CNOT1: variants seen among roughly 807,000 people sequenced by gnomAD.
The protein encoded by CNOT1 is CCR4-NOT transcription complex subunit 1.
In CNOT1, 15 loss-of-function variants were observed where a neutral mutation model predicts 273.8. The ratio of observed to expected loss-of-function variants is 0.05; its 90% CI spans 0.04 to 0.08. CNOT1 has a LOEUF of 0.08. Ranked by LOEUF, CNOT1 falls within the 10% of genes least tolerant of loss-of-function variation. CNOT1 has a pLI of 1.00. For synonymous variants in CNOT1, 1,022 were observed against 1,005.5 expected, an observed-to-expected ratio of 1.02 and a Z score of -0.31; for missense variants, 1,644 against 2,912.2, an observed-to-expected ratio of 0.56 and a Z score of 10.02.
At chr16:58,541,282 G>GAAC (rs2040088521) in intron 34 of CNOT1, among the ~76,000 whole-genome samples, 1 of 152,046 alleles carries the variant, frequency 6.6e-6, no homozygotes, top group Admixed American at 6.6e-5. Context: ...TAATTAGGCC[G>GAAC]AACATTAAAG....
chr16:58,549,986 G>A (rs2040398613), intron 24 of CNOT1, 88 bp from the exon 25 acceptor site: 33 of 1,553,220 alleles, frequency 2.1e-5, no homozygotes, highest in Non-Finnish European at 2.8e-5. Flanking sequence ...TACAGCACAT[G>A]GCTCCTTGCA....
In CNOT1 at chr16:58,523,462, C is replaced by T; in HGVS notation, c.6825G>A (p.Arg2275=). The T allele has an allele frequency of 6.2e-7, 1 of 1,613,928 alleles. No homozygotes were observed. The highest frequency in any genetic ancestry group is 1.1e-5 in the South Asian group (1 of 91,068). Residue 2275 remains arginine, a synonymous_variant, in exon 47 of 49, where the codon CGG becomes CGA. Transcript: ENST00000317147. ...AGTAGTGAGTGTGGCTATTTGGGTA[C>T]CGGAGCTGATTTGCAATTGCATTCA... ...LFLNAIANQL[R]YPNSHTHYFS... is the part of the protein sequence containing the mutation.
At chr16:58,598,295 G>A (rs2042333395) in intron 2 of CNOT1, among the ~76,000 whole-genome samples, 1 of 151,670 alleles carries the variant, frequency 6.6e-6, no homozygotes, top group Admixed American at 6.6e-5. Context: ...CTACTCGGAA[G>A]GTTAAGACAG....
chr16:58,585,280 G>T, intron 8 of CNOT1, 58 bp downstream of exon 8: 1 of 1,594,156 alleles, frequency 6.3e-7, no homozygotes, highest in Non-Finnish European at 8.5e-7. Flanking sequence ...TTTTTTTAAA[G>T]AATTACATCA....
chr16:58,537,367 C>T (rs1236242193), intron 38 of CNOT1, 147 bp from the exon 39 acceptor site: 4 of 1,231,466 alleles, frequency 3.2e-6, no homozygotes, highest in Admixed American at 3.2e-5. Flanking sequence ...CAAAACTATA[C>T]TTAGTCTCTT....
chr16:58,524,588 CAAAGTT>C (rs2039522517), intron 46 of CNOT1, among the ~76,000 whole-genome samples: 1 of 152,030 alleles, frequency 6.6e-6, no homozygotes, highest in African/African-American at 2.4e-5. Context: ...GAATCAATAG[CAAAGTT>C]AAAGAGTAGT....
At position 58,521,260 on chromosome 16, in the gene CNOT1, G is replaced by A. The variant is rs2151885281; in HGVS notation, c.6975C>T (p.Thr2325=). The change falls in exon 48 of 49, where the codon ACC becomes ACT. Residue 2325 remains threonine, a synonymous_variant. Coordinates refer to ENST00000317147, the MANE Select transcript of CNOT1 (RefSeq NM_016284.5). ...CTGGGTTTTTAATCAGCTCAATGAA[G>A]GTAATAAGAAGACCCCAAGGATGTG... ...NRPHPWGLLI[T]FIELIKNPAF... The A allele has an allele frequency of 6.2e-6, 10 of 1,614,040 alleles. No homozygotes were observed. The highest frequency in any genetic ancestry group is 7.6e-6 in the Non-Finnish European group (9 of 1,180,006).
In CNOT1 at chr16:58,528,301, T is replaced by C. The variant is rs748617437; in HGVS notation, c.6453+174A>G. Reference sequence around the variant, plus strand: ...AACCAATATTCACCAGCAACAGCAATAGCAACAATATCATACCTTCTATCA... The same window carrying C: ...AACCAATATTCACCAGCAACAGCAACAGCAACAATATCATACCTTCTATCA... On this transcript the variant is annotated intron_variant, in intron 44 of 48. Transcript: ENST00000317147. The C allele has an allele frequency of 2.7e-5, 17 of 633,182 alleles. No homozygotes were observed. The East Asian group carries it at 2.7e-4, about 10-fold the overall frequency. 39.2% of individuals were successfully genotyped at this position (633,182 alleles called of 1,614,324 possible).
intron 1 of CNOT1, among the ~76,000 whole-genome samples, chr16:58,606,771 TCTAGCCTG>T (rs1484143108): frequency 6.6e-6 from 1 of 151,026 alleles, no homozygotes; most frequent in East Asian, 1.9e-4. Flanking sequence ...ACCATTGCAC[TCTAGCCTG>T]GGCAGCAGAG....
At chr16:58,615,947 T>G (rs918964433) in intron 1 of CNOT1, among the ~76,000 whole-genome samples, 2 of 114,832 alleles carry the variant, frequency 1.7e-5, no homozygotes, top group Non-Finnish European at 4.1e-5. Context: ...ATTAGCAAGG[T>G]GCAGTGGCAA....
chr16:58,575,238 C>G, intron 14 of CNOT1, 109 bp from the exon 15 acceptor site: 2 of 1,443,970 alleles, frequency 1.4e-6, no homozygotes, highest in Non-Finnish European at 9.2e-7. Context: ...AAACACACTG[C>G]TAATACTTCC....
At chr16:58,526,232 A>G (rs1490489970) in intron 44 of CNOT1, 94 bp from the exon 45 acceptor site, 2 of 1,301,982 alleles carry the variant, frequency 1.5e-6, no homozygotes, top group East Asian at 2.3e-5. Flanking sequence ...TTCTAAAACT[A>G]TATACACTAT....
At chr16:58,542,875 G>C (rs1336155090) in intron 31 of CNOT1, among the ~76,000 whole-genome samples, 1 of 152,196 alleles carries the variant, frequency 6.6e-6, no homozygotes, top group African/African-American at 2.4e-5. Flanking sequence ...TAGATCACTT[G>C]AGGCCAGGAG....
At chr16:58,615,918 CTTTTT>C (rs762479250) in intron 1 of CNOT1, among the ~76,000 whole-genome samples, 2 of 104,350 alleles carry the variant, frequency 1.9e-5, no homozygotes, top group East Asian at 4.3e-4. Flanking sequence ...CCCATCTCTA[CTTTTT>C]TTTTTTTTTT....
intron 1 of CNOT1, among the ~76,000 whole-genome samples, chr16:58,602,444 T>C (rs1347678009): frequency 6.7e-6 from 1 of 149,958 alleles, no homozygotes; most frequent in Non-Finnish European, 1.5e-5. Flanking sequence ...TCCCAGCTAC[T>C]TGGGAGGTCG....
intron 24 of CNOT1, among the ~76,000 whole-genome samples, chr16:58,550,365 A>C (rs998990516): frequency 6.6e-6 from 1 of 152,204 alleles, no homozygotes; most frequent in East Asian, 1.9e-4. Flanking sequence ...ATTTTCTTCT[A>C]TTAATACCTC....
intron 16 of CNOT1, among the ~76,000 whole-genome samples, chr16:58,573,631 C>A (rs2041362053): frequency 6.6e-6 from 1 of 151,802 alleles, no homozygotes; most frequent in South Asian, 2.1e-4. Context: ...CAGGCGCCCG[C>A]CACCACGCCT....
At chr16:58,555,225 C>T in intron 21 of CNOT1, 26 bp downstream of exon 21, 3 of 1,609,610 alleles carry the variant, frequency 1.9e-6, no homozygotes, top group Non-Finnish European at 2.5e-6. Flanking sequence ...GGGAAGAGAT[C>T]CTTCACAGGA....
intron 16 of CNOT1, among the ~76,000 whole-genome samples, chr16:58,568,047 G>C (rs1299452993): frequency 6.6e-6 from 1 of 152,264 alleles, no homozygotes; most frequent in Admixed American, 6.5e-5. Context: ...GACTACTACA[G>C]TTGGAGCAAA....
Sources: gnomAD v4.1 joint callset for allele counts (sites outside exome capture counted in the v4.1 genomes callset) on GRCh38, gnomAD v4.1.1 for gene constraint, MANE v1.5 for transcripts, NCBI Gene and HGNC (gene_info 2026-07-23, HGNC 2026-07-21) for gene names.